OSBPL9: variants seen among roughly 807,000 people sequenced by gnomAD.
The protein encoded by OSBPL9 is oxysterol-binding protein-related protein 9.
In OSBPL9, 40 loss-of-function variants were observed where a neutral mutation model predicts 106.6. That is an observed-to-expected ratio of 0.38 (90% CI 0.29 to 0.49). The LOEUF (loss-of-function observed/expected upper bound fraction) is 0.49, where lower values mean the gene tolerates loss of function less well. OSBPL9 is among the 20% of genes least tolerant of loss of function. The probability of loss-of-function intolerance (pLI) is 0.97; values close to 1 mark genes in which losing one functional copy is unlikely to be tolerated. For missense variants in OSBPL9, 609 were observed against 887.2 expected (o/e 0.69, Z 3.98); for synonymous variants, 269 against 295.4 (o/e 0.91, Z 0.92).
intron 7 of OSBPL9, 65 bp from the exon 8 acceptor site, chr1:51,750,080 A>G: frequency 8.7e-7 from 1 of 1,155,354 alleles, no homozygotes; most frequent in Non-Finnish European, 1.3e-6. Context: ...TTATATTTTA[A>G]GCTTTAACAT....
the OSBPL9 span, among the ~76,000 whole-genome samples, chr1:51,559,928 A>G: frequency 6.6e-6 from 1 of 152,200 alleles, no homozygotes; most frequent in Non-Finnish European, 1.5e-5. Context: ...AAGAAAAGAA[A>G]GATACAATGT....
At chr1:51,567,171 T>TA in the OSBPL9 span, 1 of 152,226 alleles carries the variant, frequency 6.6e-6, no homozygotes, top group Non-Finnish European at 1.5e-5. Flanking sequence ...GGAGAACTCT[T>TA]ACCTAAGAAG....
intron 1 of OSBPL9, among the ~76,000 whole-genome samples, chr1:51,650,319 T>C (rs765744878): frequency 1.1e-4 from 16 of 152,214 alleles, no homozygotes; most frequent in Non-Finnish European, 2.1e-4. Context: ...AATATATTCT[T>C]ACCTTGTTTG....
intron 2 of OSBPL9, among the ~76,000 whole-genome samples, chr1:51,602,148 G>T (rs1476578858): frequency 1.7e-4 from 25 of 148,826 alleles, no homozygotes. Context: ...AGCCTCCCGA[G>T]TAGCTGGGAC....
At chr1:51,653,791 GT>G (rs1482749653) in intron 2 of OSBPL9, among the ~76,000 whole-genome samples, 1 of 152,188 alleles carries the variant, frequency 6.6e-6, no homozygotes, top group African/African-American at 2.4e-5. Context: ...TTTGAGCCCA[GT>G]AGTTCGAGAC....
At chr1:51,741,055 TG>T (rs1469390161) in intron 4 of OSBPL9, among the ~76,000 whole-genome samples, 2 of 152,226 alleles carry the variant, frequency 1.3e-5, no homozygotes, top group Admixed American at 1.3e-4. Flanking sequence ...GTATAAATAG[TG>T]TTTAATGTCC....
rs982641348 is a variant in OSBPL9, at chr1:51,590,645, GAAAA to G, written c.-422-7473_-422-7470del. On this transcript the variant is annotated intron_variant, in intron 1 of 25. Coordinates refer to the OSBPL9 transcript ENST00000371714. The stretch of plus-strand genomic sequence containing the variant: ...AAAAAAAAAAAAAAAAGAAAAAAAA[GAAAA>G]AAAAAGTCACGTTTAGGATTATGTT... Among the ~76,000 whole-genome samples the G allele has an allele frequency of 2.0e-4, 29 of 145,918 alleles. No individual in the cohort carries two copies. In the South Asian group the frequency reaches 3.9e-3, roughly 20 times the overall value.
intron 2 of OSBPL9, among the ~76,000 whole-genome samples, chr1:51,658,147 C>G (rs763006317): frequency 4.0e-5 from 6 of 149,826 alleles, no homozygotes; most frequent in Non-Finnish European, 7.4e-5. Flanking sequence ...GTGGCAAAAA[C>G]AAATACAGGG....
chr1:51,734,797 T>C (rs2148957953), intron 4 of OSBPL9, among the ~76,000 whole-genome samples: 1 of 152,322 alleles, frequency 6.6e-6, no homozygotes, highest in East Asian at 1.9e-4. Context: ...CTCAGGGTGC[T>C]GCCCTGGTAG....
At chr1:51,695,080 T>G (rs927314898) in intron 3 of OSBPL9, among the ~76,000 whole-genome samples, 1 of 152,248 alleles carries the variant, frequency 6.6e-6, no homozygotes, top group African/African-American at 2.4e-5. Context: ...CGTTATACTT[T>G]AGTGTGTAGC....
intron 1 of OSBPL9, among the ~76,000 whole-genome samples, chr1:51,633,618 A>G (rs1443800719): frequency 7.1e-6 from 1 of 141,116 alleles, no homozygotes; most frequent in Non-Finnish European, 1.5e-5. Flanking sequence ...AAATAAAATA[A>G]AATAAAATAA....
intron 4 of OSBPL9, among the ~76,000 whole-genome samples, chr1:51,724,512 C>T (rs111569754): frequency 3.9e-4 from 59 of 152,158 alleles, no homozygotes; most frequent in African/African-American, 1.4e-3. Flanking sequence ...TCTCGAACTC[C>T]TGACCTCGTG....
chr1:51,630,746 T>C (rs548763214), intron 1 of OSBPL9, among the ~76,000 whole-genome samples: 73 of 152,380 alleles, frequency 4.8e-4, no homozygotes, highest in Non-Finnish European at 8.1e-4. Context: ...AGTGCTTTAC[T>C]TGATAAACTT....
At chr1:51,642,275 T>C (rs1645850012) in intron 1 of OSBPL9, among the ~76,000 whole-genome samples, 1 of 152,226 alleles carries the variant, frequency 6.6e-6, no homozygotes, top group African/African-American at 2.4e-5. Flanking sequence ...GAGTTTCCTC[T>C]GTGTAATAGG....
At chr1:51,678,494 C>G (rs1651810987) in intron 3 of OSBPL9, among the ~76,000 whole-genome samples, 1 of 152,016 alleles carries the variant, frequency 6.6e-6, no homozygotes, top group Non-Finnish European at 1.5e-5. Flanking sequence ...AACCCCGTCT[C>G]TACTAAAAAT....
In OSBPL9 at chr1:51,714,082, A is replaced by G. The variant is rs1571271859; in HGVS notation, c.318+3A>G. ...TTCGACATACTCTCCAGCTTCAAGT[A>G]AGGGTCTTTACATGGTTTCCAGATA... is the stretch of plus-strand genomic sequence containing the variant. On this transcript the variant is annotated splice_donor_region_variant and intron_variant, in intron 4 of 23. Transcript: ENST00000428468. The G allele has an allele frequency of 1.2e-6, 2 of 1,603,084 alleles. No homozygotes were observed. The highest frequency in any genetic ancestry group is 2.2e-5 in the South Asian group (2 of 89,158).
chr1:51,785,542 T>G, intron 20 of OSBPL9: 1 of 449,868 alleles, frequency 2.2e-6, no homozygotes, highest in East Asian at 4.5e-5. Context: ...GATAGGGAAT[T>G]TGCCAACTCT....
At chr1:51,639,929 A>G (rs749005089) in intron 1 of OSBPL9, among the ~76,000 whole-genome samples, 4 of 150,228 alleles carry the variant, frequency 2.7e-5, no homozygotes, top group Admixed American at 1.3e-4. Context: ...GGCTCAGGCA[A>G]TCCTCCTGCC....
intron 3 of OSBPL9, among the ~76,000 whole-genome samples, chr1:51,697,917 G>C (rs992035932): frequency 1.3e-5 from 2 of 151,414 alleles, no homozygotes; most frequent in African/African-American, 2.4e-5. Flanking sequence ...CTGGCAAATT[G>C]TTCTCTGGAT....
Sources: gnomAD v4.1 joint callset for allele counts (sites outside exome capture counted in the v4.1 genomes callset) on GRCh38, gnomAD v4.1.1 for gene constraint, MANE v1.5 for transcripts, NCBI Gene and HGNC (gene_info 2026-07-23, HGNC 2026-07-21) for gene names.